Variants in CWH43 observed in about 807,000 individuals in gnomAD.
CWH43 encodes the protein cell wall biogenesis 43 C-terminal homolog.
In CWH43, 91 loss-of-function variants were observed where a neutral mutation model predicts 85.7. That is an observed-to-expected ratio of 1.06 (90% CI 0.90 to 1.26). The LOEUF (loss-of-function observed/expected upper bound fraction) is 1.26, where lower values mean the gene tolerates loss of function less well. CWH43 is among the 50% of genes most tolerant of loss of function. The pLI, the probability that CWH43 is intolerant of heterozygous loss-of-function variation, is 0.00. For synonymous variants in CWH43, 323 were observed against 293.6 expected (o/e 1.10, Z -1.02); for missense variants, 869 against 839.2 (o/e 1.04, Z -0.44).
chr4:49,043,929 ATG>A (rs1326205641), intron 13 of CWH43, among the ~76,000 whole-genome samples: 1 of 152,034 alleles, frequency 6.6e-6, no homozygotes, highest in Non-Finnish European at 1.5e-5. Context: ...ATAGACATCC[ATG>A]TGTCTACCAC....
chr4:49,007,408 C>A, intron 8 of CWH43, 82 bp downstream of exon 8: 1 of 1,342,498 alleles, frequency 7.4e-7, no homozygotes, highest in East Asian at 2.7e-5. Flanking sequence ...AATGATCCCT[C>A]ATGTATCCTT....
chr4:49,033,890 C>A (rs955606265), intron 12 of CWH43, among the ~76,000 whole-genome samples: 1 of 152,160 alleles, frequency 6.6e-6, no homozygotes, highest in Admixed American at 6.6e-5. Context: ...AAGAGACATA[C>A]TTTAGGAAAA....
At chr4:49,003,679 G>T in intron 6 of CWH43, 56 bp from the exon 7 acceptor site, 2 of 1,590,806 alleles carry the variant, frequency 1.3e-6, no homozygotes, top group Non-Finnish European at 1.7e-6. Context: ...CTATAAATTG[G>T]TCATCCTCTA....
chr4:49,057,495 C>T (rs551503212), intron 15 of CWH43, among the ~76,000 whole-genome samples: 2 of 152,292 alleles, frequency 1.3e-5, no homozygotes, highest in South Asian at 2.1e-4. Flanking sequence ...TTGCCCTAAG[C>T]GGTTCCCAGC....
At chr4:48,999,029 A>T (rs1782908079) in intron 6 of CWH43, among the ~76,000 whole-genome samples, 1 of 152,066 alleles carries the variant, frequency 6.6e-6, no homozygotes, top group Non-Finnish European at 1.5e-5. Context: ...TTATTTTGTT[A>T]CCCAGGTAAT....
intron 8 of CWH43, among the ~76,000 whole-genome samples, chr4:49,013,526 G>A (rs1384548659): frequency 6.6e-6 from 1 of 152,208 alleles, no homozygotes; most frequent in African/African-American, 2.4e-5. Flanking sequence ...CCAATGAGAT[G>A]AACCAGGTAC....
chr4:49,015,230 T>G (rs1349823633), intron 8 of CWH43, among the ~76,000 whole-genome samples: 1 of 152,074 alleles, frequency 6.6e-6, no homozygotes, highest in Non-Finnish European at 1.5e-5. Context: ...GTTTTTTCCT[T>G]TTTCTTTTTG....
chr4:49,037,909 T>G (rs1474766382), intron 12 of CWH43, 127 bp from the exon 13 acceptor site: 4 of 705,146 alleles, frequency 5.7e-6, no homozygotes. Context: ...TTAAGACAGT[T>G]GCCCGAGTAG....
intron 8 of CWH43, 53 bp downstream of exon 8, chr4:49,007,379 GT>G: frequency 6.9e-7 from 1 of 1,448,740 alleles, no homozygotes; most frequent in Non-Finnish European, 9.1e-7. Context: ...AATTCTAAAC[GT>G]ATGAAATTAA....
chr4:49,008,591 C>T (rs918651215), intron 8 of CWH43, among the ~76,000 whole-genome samples: 10 of 151,942 alleles, frequency 6.6e-5, no homozygotes, highest in African/African-American at 1.7e-4. Flanking sequence ...TTTCTTCTAG[C>T]GCTTTTATGG....
At chr4:49,035,392 G>A (rs1784235688) in intron 12 of CWH43, among the ~76,000 whole-genome samples, 1 of 152,156 alleles carries the variant, frequency 6.6e-6, no homozygotes, top group Non-Finnish European at 1.5e-5. Context: ...ACACCATAAT[G>A]AAAATTGATA....
At chr4:49,020,205 T>C (rs769864161) in intron 9 of CWH43, among the ~76,000 whole-genome samples, 1 of 152,112 alleles carries the variant, frequency 6.6e-6, no homozygotes, top group Non-Finnish European at 1.5e-5. Flanking sequence ...CCAAAGTTCA[T>C]TGTATCATTC....
chr4:49,052,172 C>A (rs1784820712), intron 15 of CWH43, among the ~76,000 whole-genome samples: 1 of 152,104 alleles, frequency 6.6e-6, no homozygotes, highest in African/African-American at 2.4e-5. Context: ...GGAGAGTTAT[C>A]ACCAAGTCTA....
chr4:49,014,387 G>A (rs1317085752), intron 8 of CWH43, among the ~76,000 whole-genome samples: 1 of 151,034 alleles, frequency 6.6e-6, no homozygotes, highest in Non-Finnish European at 1.5e-5. Context: ...GATCTTTTGA[G>A]CCTGGGAGGT....
intron 8 of CWH43, among the ~76,000 whole-genome samples, chr4:49,016,316 C>T (rs1004013717): frequency 5.3e-5 from 8 of 151,976 alleles, no homozygotes; most frequent in African/African-American, 1.7e-4. Context: ...GTGAGTGGTT[C>T]GCATACAGAG....
At chr4:49,060,932 T>C (rs1785137889) in intron 15 of CWH43, among the ~76,000 whole-genome samples, 1 of 152,210 alleles carries the variant, frequency 6.6e-6, no homozygotes, top group Non-Finnish European at 1.5e-5. Context: ...TTTTGTTCTA[T>C]TTGCTAATCT....
intron 14 of CWH43, among the ~76,000 whole-genome samples, chr4:49,048,278 TTATATATATATACACACTCTGTGTGTG>T (rs1188585472): frequency 6.6e-6 from 1 of 151,226 alleles, no homozygotes; most frequent in African/African-American, 2.4e-5. Flanking sequence ...ATGGCAGAGT[TTATATATATATACACACTCTGTGTGTG>T]TATATATATA....
intron 8 of CWH43, 62 bp downstream of exon 8, chr4:49,007,388 TAA>T: frequency 7.0e-7 from 1 of 1,428,534 alleles, no homozygotes; most frequent in Non-Finnish European, 9.2e-7. Context: ...CGTATGAAAT[TAA>T]AGAGTATAAT....
At chr4:49,031,558 C>A (rs1345350930) in intron 11 of CWH43, among the ~76,000 whole-genome samples, 1 of 152,060 alleles carries the variant, frequency 6.6e-6, no homozygotes, top group Non-Finnish European at 1.5e-5. Flanking sequence ...AGGATGGGAA[C>A]CTGATCATAG....
Sources: allele counts gnomAD v4.1 joint callset (sites outside exome capture counted in the v4.1 genomes callset), GRCh38; gene constraint gnomAD v4.1.1; transcripts MANE v1.5; gene names NCBI Gene and HGNC (gene_info 2026-07-23, HGNC 2026-07-21).